Variants in SHISA9 observed in about 807,000 individuals in gnomAD.
The protein encoded by SHISA9 is shisa family member 9.
In SHISA9, 13 loss-of-function variants were observed where a neutral mutation model predicts 38.0. That is an observed-to-expected ratio of 0.34 (90% CI 0.22 to 0.54). The LOEUF is 0.54. SHISA9 is among the 20% of genes least tolerant of loss of function. The pLI, the probability that SHISA9 is intolerant of heterozygous loss-of-function variation, is 0.91. For synonymous variants in SHISA9, 275 were observed against 242.0 expected (o/e 1.14, Z -1.27); for missense variants, 538 against 575.8 (o/e 0.93, Z 0.67).
intron 2 of SHISA9, among the ~76,000 whole-genome samples, chr16:12,990,206 T>C (rs936073976): frequency 3.3e-5 from 5 of 152,246 alleles, no homozygotes; most frequent in African/African-American, 1.2e-4. Flanking sequence ...GTTGATTCCA[T>C]GTCTTTGCTA....
the SHISA9 span, among the ~76,000 whole-genome samples, chr16:13,388,167 G>C: frequency 6.6e-6 from 1 of 152,068 alleles, no homozygotes; most frequent in African/African-American, 2.4e-5. Context: ...TGTGGATTGA[G>C]ATGTGGAACA....
the SHISA9 span, among the ~76,000 whole-genome samples, chr16:13,414,646 C>CTTTTTTTTTTTTTTTTT: frequency 7.3e-5 from 10 of 136,612 alleles, 4 homozygotes; most frequent in Admixed American, 1.6e-4. Flanking sequence ...TTCTTTCTTT[C>CTTTTTTTTTTTTTTTTT]TTTCTTTTTT....
chr16:13,393,630 C>G, the SHISA9 span, among the ~76,000 whole-genome samples: 1 of 152,130 alleles, frequency 6.6e-6, no homozygotes, highest in Non-Finnish European at 1.5e-5. Context: ...GGTTGTTAGT[C>G]CTATCAGGGA....
At chr16:12,970,342 T>TGTATATATACAC (rs1491529529) in intron 2 of SHISA9, among the ~76,000 whole-genome samples, 2 of 77,190 alleles carry the variant, frequency 2.6e-5, no homozygotes, top group Non-Finnish European at 4.7e-5. Flanking sequence ...TATATATATA[T>TGTATATATACAC]ACATATATGT....
At chr16:13,095,239 C>T (rs1415697367) in intron 2 of SHISA9, among the ~76,000 whole-genome samples, 2 of 152,220 alleles carry the variant, frequency 1.3e-5, no homozygotes, top group Non-Finnish European at 2.9e-5. Context: ...TCATTCCTGT[C>T]TCTGCTTTAG....
intron 2 of SHISA9, among the ~76,000 whole-genome samples, chr16:13,074,557 C>A (rs1279325340): frequency 3.3e-5 from 5 of 152,154 alleles, no homozygotes; most frequent in Admixed American, 6.5e-5. Flanking sequence ...CCATACCCAG[C>A]CAAATGAGAT....
intron 2 of SHISA9, among the ~76,000 whole-genome samples, chr16:13,114,663 C>T (rs1373096580): frequency 6.6e-6 from 1 of 151,914 alleles, no homozygotes; most frequent in African/African-American, 2.4e-5. Flanking sequence ...GCCTTCAACA[C>T]CCCACCCTCT....
At chr16:13,509,990 CA>C in the SHISA9 span, among the ~76,000 whole-genome samples, 1 of 152,042 alleles carries the variant, frequency 6.6e-6, no homozygotes, top group Non-Finnish European at 1.5e-5. Context: ...GAGATTATGC[CA>C]GATCTTATTA....
the SHISA9 span, among the ~76,000 whole-genome samples, chr16:13,258,899 C>A: frequency 2.0e-5 from 3 of 152,118 alleles, no homozygotes; most frequent in Non-Finnish European, 4.4e-5. Context: ...CACAGCCAAA[C>A]CATATCATTC....
the SHISA9 span, among the ~76,000 whole-genome samples, chr16:13,309,364 C>T: frequency 6.2e-4 from 94 of 152,060 alleles, no homozygotes; most frequent in Non-Finnish European, 9.4e-4. Flanking sequence ...AAGTTGAGGC[C>T]GGGCGCAGTG....
intron 2 of SHISA9, among the ~76,000 whole-genome samples, chr16:13,151,252 G>A (rs181172372): frequency 9.2e-5 from 14 of 151,736 alleles, no homozygotes; most frequent in Non-Finnish European, 1.5e-4. Context: ...GATTTCAGGC[G>A]CCCGCCACCA....
intron 2 of SHISA9, among the ~76,000 whole-genome samples, chr16:12,975,829 T>G (rs1415403111): frequency 6.6e-6 from 1 of 151,620 alleles, no homozygotes; most frequent in East Asian, 1.9e-4. Flanking sequence ...CCATGCTTAG[T>G]GGCCTGAGTG....
At chr16:13,451,372 A>T in the SHISA9 span, among the ~76,000 whole-genome samples, 48 of 152,324 alleles carry the variant, frequency 3.2e-4, no homozygotes, top group Middle Eastern at 6.8e-3. Flanking sequence ...ATAAGCACAC[A>T]CATCTATCAG....
intron 2 of SHISA9, among the ~76,000 whole-genome samples, chr16:12,986,975 A>G (rs1207709915): frequency 6.6e-6 from 1 of 152,190 alleles, no homozygotes; most frequent in Non-Finnish European, 1.5e-5. Flanking sequence ...AGTGAAATGT[A>G]GCTGTCTCTT....
At chr16:13,272,097 G>A in the SHISA9 span, among the ~76,000 whole-genome samples, 4 of 151,290 alleles carry the variant, frequency 2.6e-5, no homozygotes, top group African/African-American at 7.3e-5. Context: ...AAAAAAGAGA[G>A]AGAGAAAATG....
the SHISA9 span, among the ~76,000 whole-genome samples, chr16:13,446,092 G>A: frequency 5.3e-5 from 8 of 151,960 alleles, no homozygotes; most frequent in African/African-American, 9.7e-5. Flanking sequence ...ACAGGTGCCC[G>A]CCACCATGCC....
intron 1 of SHISA9, 67 bp from the exon 2 acceptor site, chr16:12,916,621 C>G: frequency 2.0e-6 from 3 of 1,510,256 alleles, no homozygotes; most frequent in Non-Finnish European, 2.7e-6. Flanking sequence ...GACTGCAGTA[C>G]TCGGCGCATA....
At chr16:12,993,231 T>G (rs188433703) in intron 2 of SHISA9, among the ~76,000 whole-genome samples, 1 of 152,198 alleles carries the variant, frequency 6.6e-6, no homozygotes, top group African/African-American at 2.4e-5. Context: ...GATTTTCTCC[T>G]TATTTTTGAG....
chr16:13,548,970 C>T, the SHISA9 span, among the ~76,000 whole-genome samples: 1 of 152,106 alleles, frequency 6.6e-6, no homozygotes, highest in Non-Finnish European at 1.5e-5. Flanking sequence ...CTGTATCCCA[C>T]AGTGAATGAA....
Sources: allele counts gnomAD v4.1 joint callset (sites outside exome capture counted in the v4.1 genomes callset), GRCh38; gene constraint gnomAD v4.1.1; transcripts MANE v1.5; gene names NCBI Gene and HGNC (gene_info 2026-07-23, HGNC 2026-07-21).